BCAR3: variants seen among roughly 807,000 people sequenced by gnomAD.
BCAR3 encodes BCAR3 adaptor protein, NSP family member, also known as breast cancer anti-estrogen resistance protein 3.
BCAR3 carries 37 observed loss-of-function variants against 80.1 expected under a neutral mutation model. The ratio of observed to expected loss-of-function variants is 0.46; its 90% CI spans 0.36 to 0.61. The LOEUF is 0.61. BCAR3 is among the 20% of genes least tolerant of loss of function. BCAR3 has a pLI of 0.00. For missense variants in BCAR3, 978 were observed against 1,068.2 expected (o/e 0.92, Z 1.18); for synonymous variants, 389 against 418.9 (o/e 0.93, Z 0.87).
chr1:93,688,464 C>A (rs1649050169), intron 3 of BCAR3, among the ~76,000 whole-genome samples: 1 of 151,798 alleles, frequency 6.6e-6, no homozygotes, highest in Admixed American at 6.6e-5. Flanking sequence ...CAAAGAAATA[C>A]ACCAAAACGT....
intron 2 of BCAR3, among the ~76,000 whole-genome samples, chr1:93,841,289 C>T (rs1170791447): frequency 2.0e-5 from 3 of 152,208 alleles, no homozygotes. Context: ...ATTGCAAGGT[C>T]CATGGCAGCA....
chr1:93,620,215 G>T (rs914759440), intron 3 of BCAR3, among the ~76,000 whole-genome samples: 5 of 152,186 alleles, frequency 3.3e-5, no homozygotes, highest in African/African-American at 9.7e-5. Flanking sequence ...CTCCCAGCTG[G>T]TATACTTAGG....
At chr1:93,692,597 T>C (rs1649234426) in intron 3 of BCAR3, among the ~76,000 whole-genome samples, 1 of 152,346 alleles carries the variant, frequency 6.6e-6, no homozygotes, top group East Asian at 1.9e-4. Flanking sequence ...TATTAAGCCC[T>C]TTTTATAGAC....
chr1:93,799,445 T>C (rs1214469238), intron 2 of BCAR3, among the ~76,000 whole-genome samples: 1 of 152,234 alleles, frequency 6.6e-6, no homozygotes, highest in African/African-American at 2.4e-5. Flanking sequence ...ACTGTGTCAG[T>C]AGCCAGCTAA....
intron 2 of BCAR3, among the ~76,000 whole-genome samples, chr1:93,780,464 C>G (rs1652726640): frequency 6.6e-6 from 1 of 151,986 alleles, no homozygotes; most frequent in African/African-American, 2.4e-5. Context: ...CAATGACATT[C>G]ATCTGCTCTC....
chr1:93,637,516 C>A (rs1358603794), intron 3 of BCAR3, among the ~76,000 whole-genome samples: 1 of 152,008 alleles, frequency 6.6e-6, no homozygotes, highest in African/African-American at 2.4e-5. Flanking sequence ...CTTAAAGATG[C>A]AGTTCCAGGG....
chr1:93,663,712 A>G (rs549081285), intron 2 of BCAR3, among the ~76,000 whole-genome samples: 26 of 152,330 alleles, frequency 1.7e-4, no homozygotes, highest in Non-Finnish European at 2.9e-4. Flanking sequence ...AGCACCTAGC[A>G]TAAAGCCTGG....
chr1:93,761,544 G>A (rs1009656886), intron 2 of BCAR3, among the ~76,000 whole-genome samples: 1 of 152,168 alleles, frequency 6.6e-6, no homozygotes. Flanking sequence ...TTCACCATGA[G>A]AGCAGGCGTA....
At chr1:93,579,857 C>A (rs1024273399) in intron 7 of BCAR3, among the ~76,000 whole-genome samples, 1 of 152,240 alleles carries the variant, frequency 6.6e-6, no homozygotes, top group African/African-American at 2.4e-5. Context: ...GATTCAGGGC[C>A]CAATGTGCCT....
At chr1:93,781,894 T>C (rs1652773678) in intron 2 of BCAR3, among the ~76,000 whole-genome samples, 1 of 152,216 alleles carries the variant, frequency 6.6e-6, no homozygotes, top group Non-Finnish European at 1.5e-5. Flanking sequence ...CAACTTTATC[T>C]AGGTCCTTGG....
At chr1:93,768,843 T>C (rs940991542) in intron 2 of BCAR3, among the ~76,000 whole-genome samples, 2 of 152,156 alleles carry the variant, frequency 1.3e-5, no homozygotes, top group African/African-American at 2.4e-5. Context: ...CCTCAAGCCA[T>C]AAAATCCCTC....
At chr1:93,767,180 AGAACAAGG>A (rs141964799) in intron 2 of BCAR3, among the ~76,000 whole-genome samples, 17,690 of 152,146 alleles carry the variant, frequency 0.12, 1,417 homozygotes, top group African/African-American at 0.22. Flanking sequence ...GTGGGAACTG[AGAACAAGG>A]GAACAAGACT....
rs137976601 is a variant in BCAR3 at position 93,784,670 on chromosome 1, T to C, written c.-63+60897A>G. Among the ~76,000 whole-genome samples the C allele has an allele frequency of 4.4e-3, 668 of 152,364 alleles. 7 individuals carry two copies. The highest frequency in any genetic ancestry group is 0.015 in the African/African-American group (631 of 41,580). ...AAATGCTCTCCCTAGGCAATGCTCT[T>C]GCTTGTTTAATCAACACTTAGAGTT... On this transcript the variant is annotated intron_variant, in intron 2 of 13. Coordinates refer to the BCAR3 transcript ENST00000370244.
chr1:93,569,907 C>T (rs2101804874), intron 9 of BCAR3, among the ~76,000 whole-genome samples: 1 of 152,318 alleles, frequency 6.6e-6, no homozygotes, highest in East Asian at 1.9e-4. Flanking sequence ...TTACCCACAG[C>T]CTGGCCTGTT....
chr1:93,607,606 C>G (rs1330771846), intron 3 of BCAR3, among the ~76,000 whole-genome samples: 3 of 151,610 alleles, frequency 2.0e-5, no homozygotes, highest in Admixed American at 2.0e-4. Flanking sequence ...GTCCCCACTG[C>G]CCTTAAAAAA....
intron 2 of BCAR3, among the ~76,000 whole-genome samples, chr1:93,673,630 C>T (rs1015543953): frequency 6.6e-6 from 1 of 152,216 alleles, no homozygotes; most frequent in Non-Finnish European, 1.5e-5. Context: ...CAAACTAGCT[C>T]TAACAGGCAG....
chr1:93,641,512 G>A (rs1476719120), intron 3 of BCAR3, among the ~76,000 whole-genome samples: 1 of 152,210 alleles, frequency 6.6e-6, no homozygotes, highest in Non-Finnish European at 1.5e-5. Context: ...ACAGAATACA[G>A]TTTCAAAAAT....
At chr1:93,580,476 C>T (rs1295736984) in intron 7 of BCAR3, among the ~76,000 whole-genome samples, 1 of 145,526 alleles carries the variant, frequency 6.9e-6, no homozygotes, top group East Asian at 2.0e-4. Context: ...GCTTCTGCAA[C>T]AGTAGATTCA....
At chr1:93,624,078 G>A (rs1675388897) in intron 3 of BCAR3, among the ~76,000 whole-genome samples, 1 of 152,172 alleles carries the variant, frequency 6.6e-6, no homozygotes, top group South Asian at 2.1e-4. Context: ...TTGTTGGAAT[G>A]TACTGTGCCA....
Sources: gnomAD v4.1 joint callset for allele counts (sites outside exome capture counted in the v4.1 genomes callset) on GRCh38, gnomAD v4.1.1 for gene constraint, MANE v1.5 for transcripts, NCBI Gene and HGNC (gene_info 2026-07-23, HGNC 2026-07-21) for gene names.